Variants in SENP6 observed in about 807,000 individuals in gnomAD.
SENP6 encodes sentrin-specific protease 6.
Under a neutral mutation model 134.5 loss-of-function variants are expected in SENP6, and 41 were observed. The observed-to-expected ratio is 0.30, with a 90% CI of 0.24 to 0.40. The LOEUF (loss-of-function observed/expected upper bound fraction) is 0.40. Among genes scored for constraint, SENP6 ranks in the 10% least tolerant of loss-of-function variants. The probability of loss-of-function intolerance (pLI) is 1.00; values close to 1 mark genes in which losing one functional copy is unlikely to be tolerated. For synonymous variants in SENP6, 395 were observed against 429.8 expected (o/e 0.92, Z 1.00); for missense variants, 1,248 against 1,312.5 (o/e 0.95, Z 0.76).
chr6:75,610,107 A>G (rs1334650659), intron 1 of SENP6, among the ~76,000 whole-genome samples: 1 of 152,132 alleles, frequency 6.6e-6, no homozygotes, highest in African/African-American at 2.4e-5. Flanking sequence ...CTTCTAGTTG[A>G]TTGGGAATGG....
Position 75,640,696 on chromosome 6 carries a change from A to T in SENP6, c.471A>T (p.Arg157=). 1 of 1,518,362 alleles carries T rather than the reference A, an allele frequency of 6.6e-7. No homozygotes were observed. 94.1% of individuals were successfully genotyped at this position (1,518,362 alleles called of 1,614,324 possible). A position where few individuals can be genotyped will look rare whatever the true frequency, so the allele number is the denominator to read the frequency against. Residue 157 remains arginine, a synonymous_variant, in exon 6 of 24, where the codon CGA becomes CGT. Coordinates refer to ENST00000447266, the MANE Select transcript of SENP6 (RefSeq NM_015571.4). The stretch of plus-strand genomic sequence containing the variant: ...TTCATGTTTTAAGCAGTCTGGACCG[A>T]AAAGAAAGGTAAGCTTAATATTGAA... The part of the protein sequence containing the change: ...VKTAAQSSLD[R]KERKEYPPHV...
intron 10 of SENP6, among the ~76,000 whole-genome samples, 191 bp downstream of exon 10, chr6:75,667,132 G>A (rs896481591): frequency 2.6e-5 from 4 of 152,212 alleles, no homozygotes; most frequent in Non-Finnish European, 5.9e-5. Flanking sequence ...TAAACTTAAG[G>A]CTTGAAGTAT....
At chr6:75,608,339 A>G (rs1488088108) in intron 1 of SENP6, among the ~76,000 whole-genome samples, 1 of 152,002 alleles carries the variant, frequency 6.6e-6, no homozygotes, top group Non-Finnish European at 1.5e-5. Flanking sequence ...CATGCACCCA[A>G]AGTCCCAGGA....
intron 6 of SENP6, chr6:75,646,500 G>A (rs1435456293): frequency 6.6e-6 from 1 of 152,116 alleles, no homozygotes. Flanking sequence ...TAAATACAAA[G>A]CACACATGGC....
In SENP6 at chr6:75,602,303, G is replaced by T; in HGVS notation, c.-222G>T. The T allele has an allele frequency of 2.2e-6, 1 of 460,490 alleles. No homozygotes were observed. Among genetic ancestry groups the T allele is most frequent in the South Asian group, 3.5e-5 (1 of 28,192 alleles). 28.5% of individuals were successfully genotyped at this position (460,490 alleles called of 1,614,324 possible). Reference sequence around the variant, plus strand: ...CCCCGGAGAGGCCTGAGAAGCTCGGGCCGCGGGCCTCGCTGCCCGCCAGCC... The same window carrying T: ...CCCCGGAGAGGCCTGAGAAGCTCGGTCCGCGGGCCTCGCTGCCCGCCAGCC... On this transcript the variant is annotated 5_prime_UTR_variant, in exon 1 of 24. Coordinates refer to ENST00000447266, the MANE Select transcript of SENP6 (RefSeq NM_015571.4).
intron 3 of SENP6, among the ~76,000 whole-genome samples, chr6:75,625,794 A>G (rs1428785150): frequency 6.6e-6 from 1 of 152,172 alleles, no homozygotes; most frequent in East Asian, 1.9e-4. Context: ...GCTTGAGCTC[A>G]GGAGGCAGAG....
intron 16 of SENP6, among the ~76,000 whole-genome samples, chr6:75,694,205 G>A (rs958211427): frequency 1.6e-4 from 24 of 152,156 alleles, no homozygotes; most frequent in Non-Finnish European, 2.9e-4. Flanking sequence ...GTGGTGAGCC[G>A]AGATCATGCC....
chr6:75,663,828 G>A (rs1343658319), intron 9 of SENP6, among the ~76,000 whole-genome samples: 1 of 148,504 alleles, frequency 6.7e-6, no homozygotes, highest in Admixed American at 6.7e-5. Flanking sequence ...TTGTGGGGGG[G>A]GGGGTGCCTA....
At chr6:75,715,070 T>C (rs1020918774) in intron 23 of SENP6, among the ~76,000 whole-genome samples, 1 of 152,206 alleles carries the variant, frequency 6.6e-6, no homozygotes, top group South Asian at 2.1e-4. Flanking sequence ...TCTGCTGTGG[T>C]CCAGTGAAAG....
intron 5 of SENP6, among the ~76,000 whole-genome samples, chr6:75,638,554 TA>T (rs1457004891): frequency 1.2e-5 from 1 of 80,812 alleles, no homozygotes; most frequent in Non-Finnish European, 2.6e-5. Flanking sequence ...TTTGTGTGTG[TA>T]GTGTGTGTGT....
intron 5 of SENP6, among the ~76,000 whole-genome samples, chr6:75,637,733 T>G (rs764108390): frequency 6.6e-6 from 1 of 152,172 alleles, no homozygotes; most frequent in Non-Finnish European, 1.5e-5. Flanking sequence ...TCTTTATCTT[T>G]TAAGTCTTCC....
At chr6:75,685,861 T>C (rs1773803490) in intron 16 of SENP6, among the ~76,000 whole-genome samples, 2 of 152,238 alleles carry the variant, frequency 1.3e-5, no homozygotes, top group Admixed American at 1.3e-4. Context: ...CTGAGAAGAA[T>C]GTATATTCTG....
intron 8 of SENP6, among the ~76,000 whole-genome samples, chr6:75,660,853 A>T (rs2842537): frequency 1.6e-3 from 238 of 150,434 alleles, no homozygotes; most frequent in South Asian, 5.9e-3. Flanking sequence ...CTGGTCTTGA[A>T]CTCCTGACCT....
Position 75,717,540 on chromosome 6 carries a change from T to C in SENP6, c.*1946T>C, listed in dbSNP as rs1776075706. ...TTTCCCACCCCATGTGAAATTTTAT[T>C]TTTGGAAGTTATGCTAGTGACATTG... On this transcript the variant is annotated 3_prime_UTR_variant, in exon 24 of 24. Transcript: ENST00000447266. The C allele has an allele frequency of 6.6e-6, 1 of 152,094 alleles. No individual in the cohort carries two copies. The highest frequency in any genetic ancestry group is 2.4e-5 in the African/African-American group (1 of 41,448). 9.4% of individuals were successfully genotyped at this position (152,094 alleles called of 1,614,324 possible).
chr6:75,616,174 T>TA lies in SENP6; in HGVS notation c.53-5356dup, dbSNP rs751714524. On this transcript the variant is annotated intron_variant, in intron 1 of 23. Transcript: ENST00000447266. ...GTGATATTTAACTGGGATCTCTCCTTAACCTTTTTCTTTCCATCTCCTTAA... is the reference window on the plus strand; with the variant it reads ...GTGATATTTAACTGGGATCTCTCCTTAAACCTTTTTCTTTCCATCTCCTTAA... Among the ~76,000 whole-genome samples the TA allele has an allele frequency of 2.9e-3, 438 of 152,256 alleles. 2 individuals are homozygous for TA. The highest frequency in any genetic ancestry group is 5.3e-3 in the Non-Finnish European group (363 of 68,004).
intron 19 of SENP6, among the ~76,000 whole-genome samples, chr6:75,703,820 G>T (rs1344677476): frequency 6.6e-6 from 1 of 152,060 alleles, no homozygotes. Context: ...ATCCCATTGT[G>T]CCCTTTTTGT....
intron 16 of SENP6, among the ~76,000 whole-genome samples, chr6:75,687,744 T>C (rs1370495834): frequency 6.6e-6 from 1 of 152,194 alleles, no homozygotes; most frequent in Admixed American, 6.5e-5. Context: ...ACAGCAAATA[T>C]TGCTGCCTGA....
intron 1 of SENP6, among the ~76,000 whole-genome samples, chr6:75,609,771 T>G (rs1767303267): frequency 6.6e-6 from 1 of 152,100 alleles, no homozygotes; most frequent in African/African-American, 2.4e-5. Flanking sequence ...AATGTTTTGT[T>G]TTTGTTTTTG....
At position 75,695,793 on chromosome 6, in the gene SENP6, C is replaced by T; in HGVS notation, c.2076-11C>T. The stretch of plus-strand genomic sequence containing the variant: ...ACATTAATTATATTTGAATTATTTT[C>T]TATCAAATAGATACTTGGTGCTTGA... On this transcript the variant is annotated splice_polypyrimidine_tract_variant and intron_variant, in intron 16 of 23. Transcript: ENST00000447266. 1.3e-6 allele frequency: 2 copies of T among 1,545,086 alleles called. No homozygotes were observed. Among genetic ancestry groups the T allele is most frequent in the South Asian group, 1.2e-5 (1 of 82,698 alleles).
Sources: allele counts gnomAD v4.1 joint callset (sites outside exome capture counted in the v4.1 genomes callset), GRCh38; gene constraint gnomAD v4.1.1; transcripts MANE v1.5; gene names NCBI Gene and HGNC (gene_info 2026-07-23, HGNC 2026-07-21).